CEP170: variants seen among roughly 807,000 people sequenced by gnomAD.
CEP170 encodes the protein centrosomal protein 170.
A neutral mutation model predicts 151.9 loss-of-function variants in CEP170; 21 were observed. That is an observed-to-expected ratio of 0.14 (90% confidence interval 0.10 to 0.20). The LOEUF (loss-of-function observed/expected upper bound fraction) is 0.20, where lower values mean the gene tolerates loss of function less well. CEP170 is among the 10% of genes least tolerant of loss of function. The probability of loss-of-function intolerance (pLI) is 1.00; values close to 1 mark genes in which losing one functional copy is unlikely to be tolerated. For missense variants in CEP170, 964 were observed against 1,892.9 expected, an observed-to-expected ratio of 0.51 and a Z score of 9.11; for synonymous variants, 356 against 648.8, an observed-to-expected ratio of 0.55 and a Z score of 6.86.
chr1:243,221,075 A>G (rs1000057098), intron 3 of CEP170, among the ~76,000 whole-genome samples: 1 of 151,874 alleles, frequency 6.6e-6, no homozygotes, highest in Non-Finnish European at 1.5e-5. Context: ...CCCAGGCTGG[A>G]GTGCAGTGGC....
chr1:243,247,201 A>G (rs1321597035), intron 1 of CEP170, among the ~76,000 whole-genome samples: 1 of 152,212 alleles, frequency 6.6e-6, no homozygotes, highest in African/African-American at 2.4e-5. Context: ...TTAAAAGAAG[A>G]AAGTCTTCCT....
At chr1:243,145,328 G>A (rs569089745) in intron 14 of CEP170, among the ~76,000 whole-genome samples, 1 of 152,298 alleles carries the variant, frequency 6.6e-6, no homozygotes, top group African/African-American at 2.4e-5. Context: ...AGGTTGGAGT[G>A]CAGTGGTGCA....
chr1:243,195,623 T>A (rs12049443), intron 7 of CEP170, among the ~76,000 whole-genome samples: 140 of 151,722 alleles, frequency 9.2e-4, no homozygotes, highest in African/African-American at 3.3e-3. Context: ...TCACTAAGAG[T>A]ATGCTACAGG....
At chr1:243,254,421 TAC>T (rs1478301552) in intron 1 of CEP170, 2 of 152,244 alleles carry the variant, frequency 1.3e-5, no homozygotes, top group Non-Finnish European at 2.9e-5. Flanking sequence ...CCGGGTTTAC[TAC>T]AGAGCCAGAG....
At chr1:243,143,368 G>C (rs2056106212) in intron 14 of CEP170, among the ~76,000 whole-genome samples, 2 of 152,054 alleles carry the variant, frequency 1.3e-5, no homozygotes, top group Non-Finnish European at 2.9e-5. Flanking sequence ...TTTAGATGTA[G>C]CTAAGGCAGG....
intron 1 of CEP170, among the ~76,000 whole-genome samples, chr1:243,231,187 C>T (rs891395653): frequency 3.1e-5 from 4 of 127,368 alleles, no homozygotes; most frequent in African/African-American, 1.2e-4. Context: ...TCATCATCAT[C>T]ATCATTATTA....
intron 1 of CEP170, among the ~76,000 whole-genome samples, chr1:243,244,036 T>C (rs999636406): frequency 2.6e-5 from 4 of 152,158 alleles, no homozygotes; most frequent in Admixed American, 6.5e-5. Flanking sequence ...AATATTTCAG[T>C]AGTACATTCG....
At chr1:243,164,126 T>C (rs953071731) in intron 13 of CEP170, among the ~76,000 whole-genome samples, 158 bp downstream of exon 13, 1 of 152,028 alleles carries the variant, frequency 6.6e-6, no homozygotes, top group Middle Eastern at 3.2e-3. Context: ...AAAACTGTTT[T>C]ATAGACCCCC....
chr1:243,237,388 A>G (rs2064346148), intron 1 of CEP170, among the ~76,000 whole-genome samples: 1 of 152,154 alleles, frequency 6.6e-6, no homozygotes. Flanking sequence ...AATTCATTTA[A>G]ATTTACATAT....
At chr1:243,239,068 T>C (rs1277951940) in intron 1 of CEP170, among the ~76,000 whole-genome samples, 1 of 152,232 alleles carries the variant, frequency 6.6e-6, no homozygotes, top group African/African-American at 2.4e-5. Flanking sequence ...TATTATAATG[T>C]TACACATATA....
chr1:243,198,367 C>G (rs1174435013), intron 7 of CEP170, among the ~76,000 whole-genome samples: 1 of 152,088 alleles, frequency 6.6e-6, no homozygotes, highest in Non-Finnish European at 1.5e-5. Context: ...ATCTGAGAAT[C>G]TGACCCAGAA....
In CEP170 at chr1:243,147,973, G is replaced by A. The variant is rs372845452; in HGVS notation, c.3912-5510C>T. On this transcript the variant is annotated intron_variant, in intron 14 of 19. Coordinates refer to ENST00000366542, the MANE Select transcript of CEP170 (RefSeq NM_014812.3). Reference sequence around the variant, plus strand: ...AGGCAGGTGGATCACTTGAGGTCAGGAGTTCAAGAATAGTCTGGCCAACAT... The same window carrying A: ...AGGCAGGTGGATCACTTGAGGTCAGAAGTTCAAGAATAGTCTGGCCAACAT... Among the ~76,000 whole-genome samples, 133 of 152,186 alleles carry A rather than the reference G, an allele frequency of 8.7e-4. 1 individual carries two copies. The highest frequency in any genetic ancestry group is 3.0e-3 in the African/African-American group (125 of 41,548).
intron 1 of CEP170, among the ~76,000 whole-genome samples, chr1:243,238,744 TTAG>T (rs2064502200): frequency 6.6e-6 from 1 of 152,212 alleles, no homozygotes; most frequent in Admixed American, 6.5e-5. Context: ...AGTCCACATA[TTAG>T]TAGTAAATTT....
intron 1 of CEP170, among the ~76,000 whole-genome samples, chr1:243,251,815 C>T (rs1053053734): frequency 1.3e-5 from 2 of 152,076 alleles, no homozygotes; most frequent in East Asian, 1.9e-4. Flanking sequence ...TTTAACTTTG[C>T]TTTTGCTGTT....
At chr1:243,200,744 G>A (rs1281621128) in intron 5 of CEP170, 33 bp downstream of exon 5, 1 of 1,609,176 alleles carries the variant, frequency 6.2e-7, no homozygotes, top group East Asian at 2.2e-5. Flanking sequence ...GTGAAGAGTA[G>A]ATTTGCAAAA....
intron 1 of CEP170, among the ~76,000 whole-genome samples, chr1:243,253,772 AACG>A (rs2066185050): frequency 6.6e-6 from 1 of 152,208 alleles, no homozygotes; most frequent in Admixed American, 6.5e-5. Flanking sequence ...TTTAAGAAGC[AACG>A]CCAGCAAACG....
intron 14 of CEP170, among the ~76,000 whole-genome samples, chr1:243,150,294 G>A (rs1349506974): frequency 1.3e-5 from 2 of 152,208 alleles, no homozygotes; most frequent in East Asian, 3.9e-4. Context: ...GGGATTACAG[G>A]TGCATGCCAT....
chr1:243,212,941 A>AG (rs1295816377), intron 3 of CEP170, among the ~76,000 whole-genome samples: 1 of 152,212 alleles, frequency 6.6e-6, no homozygotes, highest in Non-Finnish European at 1.5e-5. Context: ...CTGGGATTAT[A>AG]GGTGTGAGCC....
At chr1:243,211,586 G>A (rs1390185856) in intron 4 of CEP170, 3 of 253,884 alleles carry the variant, frequency 1.2e-5, no homozygotes, top group Non-Finnish European at 2.3e-5. Context: ...CCTCTCCCCA[G>A]TTACATTCTT....
Sources: allele counts gnomAD v4.1 joint callset (sites outside exome capture counted in the v4.1 genomes callset), GRCh38; gene constraint gnomAD v4.1.1; transcripts MANE v1.5; gene names NCBI Gene and HGNC (gene_info 2026-07-23, HGNC 2026-07-21).